Variants in TDRD12 observed in about 807,000 individuals in gnomAD.
The protein encoded by TDRD12 is tudor domain containing 12.
A neutral mutation model predicts 133.5 loss-of-function variants in TDRD12; 158 were observed. The observed-to-expected ratio is 1.18, with a 90% CI of 1.04 to 1.35. The LOEUF is 1.35. Ranked by LOEUF, TDRD12 falls within the 40% of genes most tolerant of loss-of-function variation. The pLI is 0.00. For synonymous variants in TDRD12, 460 were observed against 477.9 expected, an observed-to-expected ratio of 0.96 and a Z score of 0.49; for missense variants, 1,443 against 1,321.3, an observed-to-expected ratio of 1.09 and a Z score of -1.43.
exon 9 of TDRD12, chr19:32,826,513 G>A (rs1374989896): frequency 5.6e-6 from 7 of 1,251,406 alleles, no homozygotes; most frequent in Non-Finnish European, 7.0e-6. Flanking sequence ...AAAGATGACT[G>A]CCAATGTGTG....
intron 14 of TDRD12, among the ~76,000 whole-genome samples, chr19:32,796,526 G>A (rs950474639): frequency 5.9e-5 from 9 of 151,948 alleles, no homozygotes; most frequent in Admixed American, 1.3e-4. Flanking sequence ...CGGAGGTTGC[G>A]GTGAGGCAAG....
In TDRD12 at chr19:32,731,943, A is replaced by G. The variant is rs1599831706; in HGVS notation, c.183+60A>G. The G allele has an allele frequency of 4.2e-6, 6 of 1,435,726 alleles. 1 individual carries two copies. The East Asian group carries it at 7.7e-5, about 18-fold the overall frequency. The allele number at this position is 1,435,726 out of a possible 1,614,324, so 88.9% of individuals were successfully genotyped here. On this transcript the variant is annotated intron_variant, in intron 2 of 27. Transcript: ENST00000444215. Reference sequence around the variant, plus strand: ...TGAAACACCACTCAAAATATAAACTATTTTGGCAACGATGATGATTCAAGC... The same window carrying G: ...TGAAACACCACTCAAAATATAAACTGTTTTGGCAACGATGATGATTCAAGC...
intron 9 of TDRD12, 28 bp downstream of exon 32, chr19:32,826,777 G>A: frequency 8.2e-7 from 1 of 1,224,498 alleles, no homozygotes. Context: ...CACTCTCCGA[G>A]GGGTTGTAGG....
At chr19:32,742,288 C>G (rs768549805) in intron 3 of TDRD12, among the ~76,000 whole-genome samples, 3 of 152,044 alleles carry the variant, frequency 2.0e-5, no homozygotes, top group Non-Finnish European at 4.4e-5. Context: ...TCCTGAGTAG[C>G]TGGGATTATA....
chr19:32,722,581 T>A (rs1200235543), intron 1 of TDRD12, among the ~76,000 whole-genome samples: 1 of 152,150 alleles, frequency 6.6e-6, no homozygotes, highest in Non-Finnish European at 1.5e-5. Context: ...ACATACACAA[T>A]GGCATATTAT....
intron 4 of TDRD12, among the ~76,000 whole-genome samples, chr19:32,743,616 T>C (rs561414687): frequency 4.5e-4 from 68 of 151,970 alleles, no homozygotes; most frequent in Non-Finnish European, 7.2e-4. Flanking sequence ...GGGAGGCCTC[T>C]GTGATCTTTT....
At chr19:32,772,012 A>G (rs1970455528) in intron 8 of TDRD12, among the ~76,000 whole-genome samples, 1 of 152,172 alleles carries the variant, frequency 6.6e-6, no homozygotes, top group Non-Finnish European at 1.5e-5. Flanking sequence ...CCATTTTATA[A>G]TGCTCATGGG....
Position 32,748,471 on chromosome 19 carries a change from TC to T in TDRD12, c.441-3del. On this transcript the variant is annotated splice_polypyrimidine_tract_variant and splice_region_variant and intron_variant, in intron 4 of 27. Transcript: ENST00000444215. ...TAATGGAGTTGCATCTGTTCACTGT[TC>T]CAGACCTGCCAAGAAGTGGGACAAT... The T allele has an allele frequency of 3.9e-6, 6 of 1,551,610 alleles. No individual in the cohort carries two copies. Among genetic ancestry groups the T allele is most frequent in the Non-Finnish European group, 4.4e-6 (5 of 1,146,840 alleles).
intron 2 of TDRD12, among the ~76,000 whole-genome samples, chr19:32,735,638 C>T (rs1969201313): frequency 6.6e-6 from 1 of 152,188 alleles, no homozygotes; most frequent in South Asian, 2.1e-4. Context: ...AGACAGCCTT[C>T]TATTGGAGAA....
In TDRD12 at chr19:32,800,159, T is replaced by C. The variant is rs1436742411; in HGVS notation, c.1759-8T>C. 5.7e-6 allele frequency: 8 copies of C among 1,407,980 alleles called. No individual in the cohort carries two copies. In the South Asian group the frequency reaches 9.3e-5, roughly 16 times the overall value. The allele number at this position is 1,407,980 out of a possible 1,614,324, so 87.2% of individuals were successfully genotyped here. A position where few individuals can be genotyped will look rare whatever the true frequency, so the allele number is the denominator to read the frequency against. Reference sequence around the variant, plus strand: ...ATAAAAATGAAATTAATTATGCTAATTTTTCAGATGTTTGCTATATTAGAT... The same window carrying C: ...ATAAAAATGAAATTAATTATGCTAACTTTTCAGATGTTTGCTATATTAGAT... On this transcript the variant is annotated splice_region_variant and splice_polypyrimidine_tract_variant and intron_variant, in intron 16 of 27. Coordinates refer to ENST00000444215, the Ensembl canonical transcript of TDRD12.
intron 6 of TDRD12, among the ~76,000 whole-genome samples, chr19:32,753,082 G>A (rs981210114): frequency 3.0e-4 from 45 of 152,008 alleles, no homozygotes; most frequent in Middle Eastern, 3.4e-3. Flanking sequence ...GTGAGCCACC[G>A]CGCCCGGCCA....
chr19:32,823,821 C>T (rs1046232655), downstream of TDRD12, among the ~76,000 whole-genome samples: 3 of 152,176 alleles, frequency 2.0e-5, no homozygotes, highest in African/African-American at 4.8e-5. Flanking sequence ...GGTAGCAGAC[C>T]GGGATCCAGT....
exon 15 of TDRD12, chr19:32,797,865 C>A (rs1351831159): frequency 2.9e-6 from 2 of 699,060 alleles, no homozygotes; most frequent in Non-Finnish European, 2.6e-6. Flanking sequence ...AAAGAGGAAG[C>A]CAAAAATACA....
intron 2 of TDRD12, among the ~76,000 whole-genome samples, chr19:32,734,269 G>A (rs1377331570): frequency 6.6e-6 from 1 of 151,992 alleles, no homozygotes; most frequent in East Asian, 1.9e-4. Context: ...AAGAGAAATT[G>A]TGTGGATCAG....
chr19:32,751,112 C>T (rs1439093719), intron 6 of TDRD12, among the ~76,000 whole-genome samples: 1 of 147,912 alleles, frequency 6.8e-6, no homozygotes, highest in African/African-American at 2.5e-5. Context: ...CCCCCCTCCC[C>T]ACCCCCCGAC....
chr19:32,800,510 AT>A, intron 17 of TDRD12, 133 bp from the exon 18 acceptor site: 1 of 949,802 alleles, frequency 1.1e-6, no homozygotes, highest in East Asian at 2.7e-5. Flanking sequence ...ATGAAATACA[AT>A]TATAGTTGAA....
chr19:32,778,013 T>A (rs1286089327), intron 11 of TDRD12, among the ~76,000 whole-genome samples: 1 of 150,924 alleles, frequency 6.6e-6, no homozygotes, highest in Non-Finnish European at 1.5e-5. Context: ...TCCAGCCTCA[T>A]GCCATTTTTA....
In TDRD12 at chr19:32,801,478, T is replaced by C. The variant is rs1357932401; in HGVS notation, c.2080-278T>C. 2.0e-5 allele frequency among the ~76,000 whole-genome samples: 3 copies of C among 152,146 alleles called. No individual in the cohort carries two copies. The South Asian group carries it at 6.2e-4, about 32-fold the overall frequency. On this transcript the variant is annotated intron_variant, in intron 18 of 27. Transcript: ENST00000444215. ...CTGTGTGTGTGTGTATGTGTGTTTA[T>C]ACACACACACAAGTATGGCTGTGTT...
intron 1 of TDRD12, 52 bp downstream of exon 1, chr19:32,720,148 C>T: frequency 6.6e-7 from 1 of 1,523,952 alleles, no homozygotes; most frequent in Non-Finnish European, 8.8e-7. Flanking sequence ...CCCCCACCCC[C>T]ACCCCAGCCG....
Sources: gnomAD v4.1 joint callset for allele counts (sites outside exome capture counted in the v4.1 genomes callset) on GRCh38, gnomAD v4.1.1 for gene constraint, MANE v1.5 for transcripts, NCBI Gene and HGNC (gene_info 2026-07-23, HGNC 2026-07-21) for gene names.